PTPRM: variants seen among roughly 807,000 people sequenced by gnomAD.
PTPRM encodes the protein protein tyrosine phosphatase receptor type M, also known as receptor-type tyrosine-protein phosphatase mu.
A neutral mutation model predicts 186.7 loss-of-function variants in PTPRM; 47 were observed. The ratio of observed to expected loss-of-function variants is 0.25; its 90% confidence interval spans 0.20 to 0.32. PTPRM has a LOEUF of 0.32. Among genes scored for constraint, PTPRM ranks in the 10% least tolerant of loss-of-function variants. PTPRM has a pLI of 1.00. For missense variants in PTPRM, 1,494 were observed against 1,865.0 expected (o/e 0.80, Z 3.66); for synonymous variants, 668 against 674.9 (o/e 0.99, Z 0.16).
chr18:8,189,867 C>T (rs1367939924), intron 14 of PTPRM, among the ~76,000 whole-genome samples: 1 of 152,188 alleles, frequency 6.6e-6, no homozygotes, highest in Non-Finnish European at 1.5e-5. Flanking sequence ...ATTTAAAATT[C>T]TTAGAAATAC....
intron 7 of PTPRM, among the ~76,000 whole-genome samples, chr18:8,047,745 C>T (rs2087165344): frequency 6.6e-6 from 1 of 151,810 alleles, no homozygotes; most frequent in Non-Finnish European, 1.5e-5. Context: ...GGGTGTGGTA[C>T]GTGGATGAAT....
chr18:7,915,293 G>A (rs1374338090), intron 4 of PTPRM, among the ~76,000 whole-genome samples: 1 of 152,152 alleles, frequency 6.6e-6, no homozygotes, highest in African/African-American at 2.4e-5. Context: ...TTAGAAGAAA[G>A]CTGGCATAGC....
At chr18:7,722,646 C>G (rs1298980310) in intron 1 of PTPRM, among the ~76,000 whole-genome samples, 1 of 86,164 alleles carries the variant, frequency 1.2e-5, no homozygotes, top group Non-Finnish European at 2.0e-5. Context: ...TAAAAACTTT[C>G]AAGAAAAAGT....
chr18:8,344,448 G>GTGTATATA (rs1360655194), intron 23 of PTPRM, among the ~76,000 whole-genome samples: 9 of 33,422 alleles, frequency 2.7e-4, no homozygotes, highest in South Asian at 2.3e-3. Flanking sequence ...GTGTGTGTGT[G>GTGTATATA]TATATATATA....
chr18:8,196,863 G>A (rs2093785463), intron 14 of PTPRM, among the ~76,000 whole-genome samples: 1 of 152,160 alleles, frequency 6.6e-6, no homozygotes, highest in Non-Finnish European at 1.5e-5. Context: ...ATTCAAAATT[G>A]CCTAAAGTGC....
At chr18:7,804,643 C>G (rs572063682) in intron 2 of PTPRM, among the ~76,000 whole-genome samples, 168 of 152,256 alleles carry the variant, frequency 1.1e-3, no homozygotes, top group African/African-American at 3.9e-3. Context: ...GTCAAATTTT[C>G]ATTTAAAATC....
At chr18:7,909,954 A>G (rs2050179084) in intron 4 of PTPRM, among the ~76,000 whole-genome samples, 2 of 152,222 alleles carry the variant, frequency 1.3e-5, no homozygotes, top group Admixed American at 1.3e-4. Flanking sequence ...TATATTTGGA[A>G]TTTGGTTCAA....
intron 14 of PTPRM, among the ~76,000 whole-genome samples, chr18:8,202,680 C>G (rs1228841582): frequency 6.6e-6 from 1 of 151,912 alleles, no homozygotes; most frequent in African/African-American, 2.4e-5. Flanking sequence ...AACTGTCTAC[C>G]ATCTCAGTTC....
chr18:7,813,923 A>G (rs1211132053), intron 2 of PTPRM, among the ~76,000 whole-genome samples: 1 of 152,156 alleles, frequency 6.6e-6, no homozygotes, highest in African/African-American at 2.4e-5. Context: ...TCACCTTTAA[A>G]AAATTATTAT....
intron 19 of PTPRM, among the ~76,000 whole-genome samples, chr18:8,295,146 T>G (rs1003600675): frequency 3.3e-5 from 5 of 152,024 alleles, no homozygotes; most frequent in African/African-American, 1.2e-4. Flanking sequence ...CACTTAGTGG[T>G]CAGAATACTA....
chr18:8,234,459 A>G (rs2094321502), intron 14 of PTPRM, among the ~76,000 whole-genome samples: 1 of 152,184 alleles, frequency 6.6e-6, no homozygotes, highest in Non-Finnish European at 1.5e-5. Flanking sequence ...ACATTTGCTT[A>G]TTAGTACTAG....
chr18:8,378,835 T>C (rs2095712681), intron 27 of PTPRM, among the ~76,000 whole-genome samples: 1 of 152,128 alleles, frequency 6.6e-6, no homozygotes, highest in Non-Finnish European at 1.5e-5. Context: ...TTTGTCCAGA[T>C]GTACCCGAGT....
intron 3 of PTPRM, among the ~76,000 whole-genome samples, chr18:7,905,045 G>A (rs2049905482): frequency 6.6e-6 from 1 of 151,890 alleles, no homozygotes; most frequent in Non-Finnish European, 1.5e-5. Flanking sequence ...CCAGGCTGGA[G>A]TGCAATGGCA....
chr18:7,830,137 A>G (rs754397678), intron 2 of PTPRM, among the ~76,000 whole-genome samples: 5 of 152,138 alleles, frequency 3.3e-5, no homozygotes, highest in East Asian at 3.9e-4. Context: ...TTTATTCTCC[A>G]TATCCATTCC....
rs145793921 is a variant in PTPRM at position 7,762,505 on chromosome 18, A to G, written c.74-11644A>G. Among the ~76,000 whole-genome samples, 7 of 152,334 alleles carry G rather than the reference A, an allele frequency of 4.6e-5. No homozygotes were observed. The East Asian group carries it at 1.4e-3, about 29-fold the overall frequency. On this transcript the variant is annotated intron_variant, in intron 1 of 32. Transcript: ENST00000580170. Reference sequence around the variant, plus strand: ...AGAGGTAGACGGGGGTTGAATCAGAAAAACAACAGATGTCACATGATTAAA... The same window carrying G: ...AGAGGTAGACGGGGGTTGAATCAGAGAAACAACAGATGTCACATGATTAAA...
intron 2 of PTPRM, among the ~76,000 whole-genome samples, chr18:7,856,133 T>C (rs759124397): frequency 6.6e-6 from 1 of 152,162 alleles, no homozygotes; most frequent in Non-Finnish European, 1.5e-5. Flanking sequence ...GTGAAGTTAA[T>C]GATCCAGCAT....
At chr18:8,392,408 A>G (rs1396984771) in intron 31 of PTPRM, among the ~76,000 whole-genome samples, 2 of 152,102 alleles carry the variant, frequency 1.3e-5, no homozygotes, top group Non-Finnish European at 1.5e-5. Flanking sequence ...GCAGATCACT[A>G]GGTCAGGAGA....
chr18:8,393,291 G>A (rs557845827), intron 31 of PTPRM, among the ~76,000 whole-genome samples: 30 of 152,330 alleles, frequency 2.0e-4, no homozygotes, highest in African/African-American at 7.2e-4. Flanking sequence ...CCAGTCATGA[G>A]AAGACATCAG....
intron 7 of PTPRM, chr18:7,995,552 G>A (rs538110959): frequency 1.3e-5 from 2 of 152,220 alleles, no homozygotes; most frequent in Admixed American, 6.5e-5. Context: ...AAATCCAACA[G>A]CACATTAAAA....
Sources: allele counts gnomAD v4.1 joint callset (sites outside exome capture counted in the v4.1 genomes callset), GRCh38; gene constraint gnomAD v4.1.1; transcripts MANE v1.5; gene names NCBI Gene and HGNC (gene_info 2026-07-23, HGNC 2026-07-21).